ZNF84: variants seen among roughly 807,000 people sequenced by gnomAD.
ZNF84 encodes zinc finger protein HPF2.
ZNF84 carries 12 observed loss-of-function variants against 14.8 expected under a neutral mutation model. The observed-to-expected ratio is 0.81, with a 90% CI of 0.52 to 1.31. The LOEUF is 1.31. Ranked by LOEUF, ZNF84 falls within the 50% of genes most tolerant of loss-of-function variation. ZNF84 has a pLI of 0.00. For synonymous variants in ZNF84, 347 were observed against 291.1 expected, an observed-to-expected ratio of 1.19 and a Z score of -1.96; for missense variants, 859 against 878.6, an observed-to-expected ratio of 0.98 and a Z score of 0.28.
intron 2 of ZNF84, among the ~76,000 whole-genome samples, chr12:133,042,979 C>G (rs1953911712): frequency 6.6e-6 from 1 of 152,082 alleles, no homozygotes; most frequent in Non-Finnish European, 1.5e-5. Flanking sequence ...TTTTTGGTCT[C>G]CATTTCCTGA....
rs1204852525 is a variant in ZNF84 at position 133,059,848 on chromosome 12, TATAGAC to T, written c.*920_*925del. 1 of 152,220 alleles carries T rather than the reference TATAGAC, an allele frequency of 6.6e-6. No individual in the cohort carries two copies. The highest frequency in any genetic ancestry group is 1.5e-5 in the Non-Finnish European group (1 of 68,032). The allele number at this position is 152,220 out of a possible 1,614,324, so 9.4% of individuals were successfully genotyped here. A position where few individuals can be genotyped will look rare whatever the true frequency, so the allele number is the denominator to read the frequency against. ...AAGTGATAACCCGTTTCTTTTAACTTATAGACATACATAAGGGGTCTTTTGTTTTTA... is the reference window on the plus strand; with the variant it reads ...AAGTGATAACCCGTTTCTTTTAACTTATACATAAGGGGTCTTTTGTTTTTA... On this transcript the variant is annotated 3_prime_UTR_variant, in exon 5 of 5. Transcript: ENST00000539354.
chr12:133,058,880 A>T lies in ZNF84; in HGVS notation c.2165A>T (p.Gln722Leu), dbSNP rs888419862. 8.1e-6 allele frequency: 13 copies of T among 1,613,070 alleles called. No individual in the cohort carries two copies. Among genetic ancestry groups the T allele is most frequent in the Non-Finnish European group, 1.1e-5 (13 of 1,179,666 alleles). ...RCIECGKAFS[Q>L]KSQLINHQRT... is the part of the protein sequence containing the mutation. ...ATTGAATGTGGGAAAGCTTTCTCAC[A>T]GAAGTCACAGCTCATCAATCATCAG... The change falls in exon 5 of 5, where the codon CAG becomes CTG. Residue 722 changes from glutamine to leucine, a missense_variant. Transcript: ENST00000539354.
Position 133,059,061 on chromosome 12 carries a change from T to C in ZNF84, c.*129T>C. 1.1e-6 allele frequency: 1 copy of C among 919,582 alleles called. No homozygotes were observed. Among genetic ancestry groups the C allele is most frequent in the South Asian group, 1.7e-5 (1 of 58,792 alleles). The allele number at this position is 919,582 out of a possible 1,614,324, so 57.0% of individuals were successfully genotyped here. ...ATGAGGATGAGAACTCTAAATGAGG[T>C]GGTGTATGGAAAGCCGATCATAATT... On this transcript the variant is annotated 3_prime_UTR_variant, in exon 5 of 5. Coordinates refer to ENST00000539354, the MANE Select transcript of ZNF84 (RefSeq NM_001289971.2).
In ZNF84 at chr12:133,058,389, T is replaced by C. The variant is rs1954199274; in HGVS notation, c.1674T>C (p.Leu558=). ...AGGCCTTTGGTGAGAAGTCAAGTCT[T>C]GCAACTCATCAGAGAACTCATACTG... is the stretch of plus-strand genomic sequence containing the variant. ...CGKAFGEKSS[L]ATHQRTHTGE... The change falls in exon 5 of 5, where the codon CTT becomes CTC. Residue 558 remains leucine, a synonymous_variant. Coordinates refer to ENST00000539354, the MANE Select transcript of ZNF84 (RefSeq NM_001289971.2). 2 of 1,612,258 alleles carry C rather than the reference T, an allele frequency of 1.2e-6. No individual in the cohort carries two copies. The highest frequency in any genetic ancestry group is 1.7e-6 in the Non-Finnish European group (2 of 1,179,430).
In ZNF84 at chr12:133,041,429, G is replaced by A. The variant is rs1399414607; in HGVS notation, c.-39G>A. ...AGCAGAAGAGACGCACAGTAGAACC[G>A]ATCTCAGCCTTGCTGATCATCTCGT... On this transcript the variant is annotated 5_prime_UTR_variant, in exon 2 of 5. Transcript: ENST00000539354. The A allele has an allele frequency of 4.0e-5, 65 of 1,613,042 alleles. No homozygotes were observed. The highest frequency in any genetic ancestry group is 5.4e-5 in the Non-Finnish European group (64 of 1,179,108).
At chr12:133,053,243 ATTTTTCT>A (rs1954100182) in intron 4 of ZNF84, among the ~76,000 whole-genome samples, 1 of 152,190 alleles carries the variant, frequency 6.6e-6, no homozygotes, top group Non-Finnish European at 1.5e-5. Flanking sequence ...AAGGCAATTC[ATTTTTCT>A]AATAGGAAAA....
Position 133,057,191 on chromosome 12 carries a change from A to G in ZNF84, c.476A>G (p.Asn159Ser). ...DYGKAESDDF[N>S]VFDNFFLHSK... Reference sequence around the variant, plus strand: ...GGAAAAGCAGAATCAGATGACTTTAATGTGTTTGATAATTTTTTTCTCCAT... The same window carrying G: ...GGAAAAGCAGAATCAGATGACTTTAGTGTGTTTGATAATTTTTTTCTCCAT... Residue 159 changes from asparagine (N) to serine (S), a missense_variant, in exon 5 of 5, where the codon AAT becomes AGT. Coordinates refer to ENST00000539354, the MANE Select transcript of ZNF84 (RefSeq NM_001289971.2). The G allele has an allele frequency of 6.2e-7, 1 of 1,612,792 alleles. No individual in the cohort carries two copies.
rs1954181173 is a variant in ZNF84, at chr12:133,057,534, C to T, written c.819C>T (p.Ser273=). ...YNCSQCGKAF[S]QKSQLTSHQR... is the part of the protein sequence containing the mutation. ...GTAGCCAGTGTGGGAAAGCCTTCTC[C>T]CAAAAGTCACAGCTCACATCCCATC... The change falls in exon 5 of 5, where the codon TCC becomes TCT. Residue 273 remains serine, a synonymous_variant. Coordinates refer to ENST00000539354, the MANE Select transcript of ZNF84 (RefSeq NM_001289971.2). The T allele has an allele frequency of 6.2e-7, 1 of 1,613,938 alleles. No individual in the cohort carries two copies. The highest frequency in any genetic ancestry group is 1.7e-5 in the Admixed American group (1 of 59,994).
chr12:133,041,757 A>G (rs942312071), intron 2 of ZNF84, among the ~76,000 whole-genome samples: 1 of 152,208 alleles, frequency 6.6e-6, no homozygotes, highest in Non-Finnish European at 1.5e-5. Flanking sequence ...GGTAGTCGTA[A>G]TAGAGAAATG....
intron 4 of ZNF84, among the ~76,000 whole-genome samples, chr12:133,054,854 A>G (rs1954126946): frequency 6.6e-6 from 1 of 152,140 alleles, no homozygotes; most frequent in African/African-American, 2.4e-5. Context: ...TACCTAACAC[A>G]TTATATGAGC....
intron 4 of ZNF84, among the ~76,000 whole-genome samples, chr12:133,049,065 G>A (rs903834920): frequency 1.3e-5 from 2 of 152,166 alleles, no homozygotes; most frequent in Admixed American, 1.3e-4. Flanking sequence ...TAAACCTTTG[G>A]TGGTGCCTCA....
intron 4 of ZNF84, among the ~76,000 whole-genome samples, chr12:133,052,986 G>A (rs1954097585): frequency 6.6e-6 from 1 of 152,220 alleles, no homozygotes. Context: ...GTTGGAGAGA[G>A]CATGGGAACT....
At chr12:133,048,642 G>C (rs1397493477) in intron 3 of ZNF84, 111 bp from the exon 4 acceptor site, 1 of 695,922 alleles carries the variant, frequency 1.4e-6, no homozygotes, top group Non-Finnish European at 2.5e-6. Flanking sequence ...TACTTACTCT[G>C]TTGGGGTACA....
intron 2 of ZNF84, among the ~76,000 whole-genome samples, chr12:133,046,860 GATATTT>G (rs1332544576): frequency 2.2e-5 from 3 of 134,126 alleles, no homozygotes; most frequent in African/African-American, 8.6e-5. Context: ...ATATATATAT[GATATTT>G]ATATTATATA....
At chr12:133,054,622 C>CTTT (rs137958416) in intron 4 of ZNF84, among the ~76,000 whole-genome samples, 4 of 143,294 alleles carry the variant, frequency 2.8e-5, no homozygotes, top group Admixed American at 7.0e-5. Context: ...AGTGGCTTTC[C>CTTT]TTTTTTTTTT....
intron 4 of ZNF84, among the ~76,000 whole-genome samples, chr12:133,052,627 G>A (rs1375761026): frequency 1.3e-5 from 2 of 152,234 alleles, no homozygotes; most frequent in African/African-American, 4.8e-5. Flanking sequence ...GGGCCAGTGT[G>A]CCTGGCCTCA....
At chr12:133,041,659 T>C (rs1476353825) in intron 2 of ZNF84, among the ~76,000 whole-genome samples, 177 bp downstream of exon 2, 2 of 152,242 alleles carry the variant, frequency 1.3e-5, no homozygotes, top group Non-Finnish European at 2.9e-5. Flanking sequence ...TGACAGGTTC[T>C]TAGGATTGAG....
In ZNF84 at chr12:133,054,680, CAT is replaced by C. The variant is rs1198940463; in HGVS notation, c.239-2269_239-2268del. Among the ~76,000 whole-genome samples the C allele has an allele frequency of 9.8e-4, 146 of 148,250 alleles. 1 individual carries two copies. The highest frequency in any genetic ancestry group is 3.4e-3 in the African/African-American group (139 of 40,396). On this transcript the variant is annotated intron_variant, in intron 4 of 4. Transcript: ENST00000539354. ...TGATTTAATCATTTTACAACATAAA[CAT>C]ATATCAAAATATTACACTGTAGACA...
chr12:133,058,120 A>G lies in ZNF84; in HGVS notation c.1405A>G (p.Ser469Gly). ...ATGCAGTAAATGTGGGAAAGCCTTC[A>G]GCAGGAAATCACAGCTCGTTAGACA... is the stretch of plus-strand genomic sequence containing the variant. ...FICSKCGKAFSRKSQLVRHQR... is the reference protein window; with the variant it reads ...FICSKCGKAFGRKSQLVRHQR... Residue 469 changes from serine (S) to glycine (G), a missense_variant, in exon 5 of 5, where the codon AGC becomes GGC. Transcript: ENST00000539354. 6.2e-7 allele frequency: 1 copy of G among 1,613,992 alleles called. No homozygotes were observed. The highest frequency in any genetic ancestry group is 8.5e-7 in the Non-Finnish European group (1 of 1,180,004).
Sources: allele counts gnomAD v4.1 joint callset (sites outside exome capture counted in the v4.1 genomes callset), GRCh38; gene constraint gnomAD v4.1.1; transcripts MANE v1.5; gene names NCBI Gene and HGNC (gene_info 2026-07-23, HGNC 2026-07-21).